The following TTC39B variants were observed in gnomAD, a reference collection of about 807,000 sequenced individuals.
The protein encoded by TTC39B is tetratricopeptide repeat protein 39B.
TTC39B carries 92 observed loss-of-function variants against 96.6 expected under a neutral mutation model. The ratio of observed to expected loss-of-function variants is 0.95; its 90% confidence interval spans 0.80 to 1.13. The LOEUF (loss-of-function observed/expected upper bound fraction) is 1.13, where lower values mean the gene tolerates loss of function less well. Ranked by LOEUF, TTC39B falls within the 50% of genes most tolerant of loss-of-function variation. TTC39B has a pLI of 0.00. For synonymous variants in TTC39B, 367 were observed against 299.4 expected, an observed-to-expected ratio of 1.23 and a Z score of -2.33; for missense variants, 955 against 809.3, an observed-to-expected ratio of 1.18 and a Z score of -2.18.
chr9:15,182,511 C>G, intron 16 of TTC39B, 96 bp from the exon 17 acceptor site: 1 of 786,232 alleles, frequency 1.3e-6, no homozygotes, highest in Non-Finnish European at 2.0e-6. Context: ...GCTTCGGTTT[C>G]TAGGAACCTC....
chr9:15,290,980 A>C (rs541791219), intron 1 of TTC39B, among the ~76,000 whole-genome samples: 7 of 152,340 alleles, frequency 4.6e-5, no homozygotes, highest in Non-Finnish European at 7.3e-5. Context: ...AGCACACCTT[A>C]ATAAAGCTGG....
At chr9:15,302,539 CA>C (rs145173046) in intron 1 of TTC39B, among the ~76,000 whole-genome samples, 86 of 46,758 alleles carry the variant, frequency 1.8e-3, no homozygotes, top group African/African-American at 7.0e-3. Context: ...GATTCCGTCT[CA>C]AAAAAAAAAA....
intron 10 of TTC39B, 90 bp downstream of exon 10, chr9:15,191,100 G>T: frequency 1.2e-6 from 1 of 853,152 alleles, no homozygotes; most frequent in Non-Finnish European, 1.9e-6. Context: ...AATTATCAAG[G>T]TAGTTATGCA....
chr9:15,253,040 T>C (rs1474910784), intron 2 of TTC39B, among the ~76,000 whole-genome samples: 1 of 152,248 alleles, frequency 6.6e-6, no homozygotes, highest in East Asian at 1.9e-4. Flanking sequence ...ATGTATGTCC[T>C]TGCACAGGCT....
At chr9:15,288,885 G>A (rs772207144) in intron 1 of TTC39B, among the ~76,000 whole-genome samples, 4 of 152,314 alleles carry the variant, frequency 2.6e-5, no homozygotes, top group Admixed American at 1.3e-4. Flanking sequence ...CATGGCAGCC[G>A]AACAGACAAG....
At chr9:15,177,909 A>G (rs1181519957) in intron 17 of TTC39B, 95 bp from the exon 18 acceptor site, 5 of 757,936 alleles carry the variant, frequency 6.6e-6, no homozygotes, top group Admixed American at 3.2e-5. Context: ...TCGCTCTCTC[A>G]CCCAGGCTGG....
chr9:15,226,028 G>A lies in TTC39B; in HGVS notation c.276-16C>T, dbSNP rs1821105086. ...GTGAGAAGATCTGTTAATTAAAAAGGCAGAGCAAGGTTTTTTATTTCTTTG... is the reference window on the plus strand; with the variant it reads ...GTGAGAAGATCTGTTAATTAAAAAGACAGAGCAAGGTTTTTTATTTCTTTG... On this transcript the variant is annotated splice_polypyrimidine_tract_variant and intron_variant, in intron 2 of 19. Transcript: ENST00000512701. 1.9e-6 allele frequency: 3 copies of A among 1,610,234 alleles called. No homozygotes were observed. The highest frequency in any genetic ancestry group is 1.3e-5 in the African/African-American group (1 of 74,842).
chr9:15,235,138 A>G (rs185077099), intron 2 of TTC39B, among the ~76,000 whole-genome samples: 2 of 152,292 alleles, frequency 1.3e-5, no homozygotes, highest in African/African-American at 2.4e-5. Flanking sequence ...AGTTTTAACA[A>G]TAGACTGGAC....
chr9:15,307,085 T>C (rs1478965806), exon 1 of TTC39B: 12 of 1,609,536 alleles, frequency 7.5e-6, no homozygotes, highest in Non-Finnish European at 9.3e-6. Flanking sequence ...GGATCGTACC[T>C]CGTCCGCTTC....
intron 2 of TTC39B, among the ~76,000 whole-genome samples, chr9:15,231,172 A>G (rs1172694179): frequency 6.6e-6 from 1 of 151,920 alleles, no homozygotes; most frequent in African/African-American, 2.4e-5. Context: ...GATTTTTCCG[A>G]TTTTTTTAAT....
At chr9:15,202,478 G>A (rs750863787) in intron 7 of TTC39B, among the ~76,000 whole-genome samples, 13 of 152,128 alleles carry the variant, frequency 8.5e-5, no homozygotes, top group Non-Finnish European at 1.6e-4. Flanking sequence ...TTGGGAGGCC[G>A]AGGTGGGTGG....
intron 8 of TTC39B, among the ~76,000 whole-genome samples, chr9:15,193,589 G>C (rs573604064): frequency 6.6e-6 from 1 of 152,224 alleles, no homozygotes; most frequent in South Asian, 2.1e-4. Flanking sequence ...ATGCCTACAA[G>C]CATCCCCTGC....
intron 1 of TTC39B, among the ~76,000 whole-genome samples, chr9:15,283,656 C>T (rs1298504136): frequency 1.3e-5 from 2 of 152,094 alleles, no homozygotes; most frequent in Non-Finnish European, 2.9e-5. Context: ...AAAATTGAAA[C>T]TATGGAATTG....
At chr9:15,225,795 G>A in intron 3 of TTC39B, 122 bp downstream of exon 3, 1 of 728,662 alleles carries the variant, frequency 1.4e-6, no homozygotes, top group Non-Finnish European at 2.1e-6. Context: ...ACTTGCCTAG[G>A]CCTCTCCTGA....
At chr9:15,295,550 G>T (rs1359735985) in intron 1 of TTC39B, among the ~76,000 whole-genome samples, 1 of 152,114 alleles carries the variant, frequency 6.6e-6, no homozygotes, top group Non-Finnish European at 1.5e-5. Context: ...CAAAAATAAG[G>T]TAAAAATATA....
intron 7 of TTC39B, 148 bp from the exon 8 acceptor site, chr9:15,200,073 C>A: frequency 2.0e-6 from 1 of 490,794 alleles, no homozygotes; most frequent in Non-Finnish European, 3.7e-6. Flanking sequence ...AACACATACT[C>A]TTGCTTTACA....
exon 4 of TTC39B, chr9:15,214,178 C>T (rs781251354): frequency 2.5e-6 from 4 of 1,614,008 alleles, no homozygotes; most frequent in Non-Finnish European, 2.5e-6. Context: ...AAATTTGTTG[C>T]TTAGAAATAA....
chr9:15,171,734 TC>T (rs2118391732), exon 20 of TTC39B: 1 of 200,568 alleles, frequency 5.0e-6, no homozygotes, highest in South Asian at 1.6e-4. Flanking sequence ...GACTATTGCA[TC>T]TGCAAGTCTT....
At chr9:15,215,387 G>A (rs1266219731) in intron 3 of TTC39B, among the ~76,000 whole-genome samples, 15 of 151,874 alleles carry the variant, frequency 9.9e-5, no homozygotes, top group Admixed American at 6.5e-4. Flanking sequence ...GTGAAACCCC[G>A]TCTCTACTAA....
Sources: gnomAD v4.1 joint callset for allele counts (sites outside exome capture counted in the v4.1 genomes callset) on GRCh38, gnomAD v4.1.1 for gene constraint, MANE v1.5 for transcripts, NCBI Gene and HGNC (gene_info 2026-07-23, HGNC 2026-07-21) for gene names.